TMEM131L: variants seen among roughly 807,000 people sequenced by gnomAD.
The protein encoded by TMEM131L is transmembrane protein 131-like.
TMEM131L carries 54 observed loss-of-function variants against 192.2 expected under a neutral mutation model. The ratio of observed to expected loss-of-function variants is 0.28; its 90% CI spans 0.23 to 0.35. The LOEUF (loss-of-function observed/expected upper bound fraction) is 0.35. TMEM131L is among the 10% of genes least tolerant of loss of function. TMEM131L has a pLI of 1.00. For synonymous variants in TMEM131L, 701 were observed against 704.9 expected, an observed-to-expected ratio of 0.99 and a Z score of 0.09; for missense variants, 1,888 against 1,972.9, an observed-to-expected ratio of 0.96 and a Z score of 0.82.
intron 3 of TMEM131L, among the ~76,000 whole-genome samples, chr4:153,545,444 T>C (rs1737104607): frequency 6.6e-6 from 1 of 151,970 alleles, no homozygotes. Context: ...CCCGCCACCA[T>C]GCCTGACTAA....
At chr4:153,558,784 T>A (rs1482779118) in intron 7 of TMEM131L, 1 of 153,546 alleles carries the variant, frequency 6.5e-6, no homozygotes, top group Non-Finnish European at 1.5e-5. Flanking sequence ...GCAGCCCCCA[T>A]GGTCACAAGT....
chr4:153,515,454 G>A (rs1444515523), intron 3 of TMEM131L, among the ~76,000 whole-genome samples: 1 of 152,186 alleles, frequency 6.6e-6, no homozygotes, highest in Non-Finnish European at 1.5e-5. Context: ...ATATTCCATT[G>A]TATAGATAGA....
chr4:153,544,926 C>G (rs1206632959), intron 3 of TMEM131L, among the ~76,000 whole-genome samples: 1 of 152,184 alleles, frequency 6.6e-6, no homozygotes, highest in African/African-American at 2.4e-5. Flanking sequence ...TCAGCAGTCT[C>G]TGGCCCTGCC....
Position 153,466,388 on chromosome 4 carries a change from G to A in TMEM131L, c.-10G>A, listed in dbSNP as rs1167569438. ...CGCGGCGAGCAACGGAGAGGAGCGC[G>A]AGCAGCAGCATGGCGGGGCTCCGAC... On this transcript the variant is annotated 5_prime_UTR_variant, in exon 1 of 35. Coordinates refer to ENST00000409959, the MANE Select transcript of TMEM131L (RefSeq NM_001131007.2). 11 of 1,309,236 alleles carry A rather than the reference G, an allele frequency of 8.4e-6. No homozygotes were observed. The highest frequency in any genetic ancestry group is 8.8e-6 in the Non-Finnish European group (9 of 1,025,562). 81.1% of individuals were successfully genotyped at this position (1,309,236 alleles called of 1,614,324 possible).
chr4:153,526,284 G>T (rs1718915854), intron 3 of TMEM131L, among the ~76,000 whole-genome samples: 1 of 152,132 alleles, frequency 6.6e-6, no homozygotes. Context: ...TCATCCACAG[G>T]CCTCTCTTCT....
intron 2 of TMEM131L, among the ~76,000 whole-genome samples, chr4:153,471,816 A>G (rs942050684): frequency 2.6e-5 from 4 of 152,206 alleles, no homozygotes; most frequent in African/African-American, 7.2e-5. Context: ...GGGCGGGCCC[A>G]GTTAGGTCTC....
At chr4:153,563,604 A>G (rs906904356) in intron 7 of TMEM131L, among the ~76,000 whole-genome samples, 60 of 151,624 alleles carry the variant, frequency 4.0e-4, no homozygotes, top group Admixed American at 1.9e-3. Context: ...AGTAGGTGAG[A>G]TCACAGGTGC....
At chr4:153,470,577 T>C (rs2149714347) in intron 2 of TMEM131L, among the ~76,000 whole-genome samples, 1 of 152,262 alleles carries the variant, frequency 6.6e-6, no homozygotes, top group East Asian at 1.9e-4. Context: ...AATTTTCCTC[T>C]GCTCTGACTG....
intron 7 of TMEM131L, among the ~76,000 whole-genome samples, chr4:153,580,082 A>G (rs1730229931): frequency 1.3e-5 from 2 of 152,128 alleles, no homozygotes; most frequent in Admixed American, 6.5e-5. Context: ...CTCATAGCCC[A>G]TGTCTTTTAG....
Position 153,603,424 on chromosome 4 carries a change from A to G in TMEM131L, c.2761A>G (p.Met921Val), listed in dbSNP as rs149187355. Reference protein sequence around the residue: ...SSSSQQNNGPMDVISPHSYKS... With the variant: ...SSSSQQNNGPVDVISPHSYKS... ...CTCTTCACAGCAAAACAATGGTCCT[A>G]TGGATGTAATCAGCCCCCATTCTTA... The change falls in exon 24 of 35, where the codon ATG (methionine) becomes GTG (valine). Residue 921 changes from methionine to valine, a missense_variant. Transcript: ENST00000409959. 5 of 1,614,060 alleles carry G rather than the reference A, an allele frequency of 3.1e-6. No homozygotes were observed. The highest frequency in any genetic ancestry group is 4.5e-5 in the East Asian group (2 of 44,868).
intron 19 of TMEM131L, among the ~76,000 whole-genome samples, chr4:153,595,449 T>A (rs1341511777): frequency 1.4e-5 from 2 of 138,940 alleles, no homozygotes; most frequent in Admixed American, 1.4e-4. Flanking sequence ...CTAATAAAAA[T>A]GAATCAAATA....
chr4:153,613,996 G>A (rs1194580961), intron 26 of TMEM131L, among the ~76,000 whole-genome samples: 1 of 152,206 alleles, frequency 6.6e-6, no homozygotes. Flanking sequence ...AAGATTCATA[G>A]TAGAGGGGAC....
chr4:153,470,792 C>T (rs951916348), intron 2 of TMEM131L, among the ~76,000 whole-genome samples: 3 of 152,210 alleles, frequency 2.0e-5, no homozygotes, highest in African/African-American at 7.2e-5. Flanking sequence ...CAGGGCCTTC[C>T]GTGTCAGTCC....
At chr4:153,606,440 T>G (rs577697779) in intron 25 of TMEM131L, among the ~76,000 whole-genome samples, 3 of 152,182 alleles carry the variant, frequency 2.0e-5, no homozygotes, top group Admixed American at 6.5e-5. Context: ...CTTAATACTT[T>G]AAAGCAGTTG....
At chr4:153,566,787 C>G (rs979520066) in intron 7 of TMEM131L, among the ~76,000 whole-genome samples, 1 of 152,152 alleles carries the variant, frequency 6.6e-6, no homozygotes, top group Non-Finnish European at 1.5e-5. Context: ...GATTTTCTCC[C>G]CTGCCATGGC....
At chr4:153,486,954 G>A (rs756787366) in intron 3 of TMEM131L, among the ~76,000 whole-genome samples, 57 of 152,180 alleles carry the variant, frequency 3.7e-4, no homozygotes, top group Admixed American at 2.6e-4. Context: ...AGAAATGAGC[G>A]GTCTAGGGCA....
At chr4:153,589,765 T>C (rs1475788233) in intron 16 of TMEM131L, among the ~76,000 whole-genome samples, 1 of 152,226 alleles carries the variant, frequency 6.6e-6, no homozygotes, top group African/African-American at 2.4e-5. Context: ...TTGAGGGTAG[T>C]GCAGTGAATT....
At chr4:153,499,714 C>T (rs955067169) in intron 3 of TMEM131L, among the ~76,000 whole-genome samples, 1 of 152,118 alleles carries the variant, frequency 6.6e-6, no homozygotes, top group Admixed American at 6.5e-5. Flanking sequence ...CGTGAACCGC[C>T]GTGCCCAGCC....
chr4:153,505,714 G>T (rs1733940747), intron 3 of TMEM131L, among the ~76,000 whole-genome samples: 1 of 152,118 alleles, frequency 6.6e-6, no homozygotes, highest in African/African-American at 2.4e-5. Context: ...TTATTTCCCA[G>T]CTAAAATATC....
Sources: gnomAD v4.1 joint callset for allele counts (sites outside exome capture counted in the v4.1 genomes callset) on GRCh38, gnomAD v4.1.1 for gene constraint, MANE v1.5 for transcripts, NCBI Gene and HGNC (gene_info 2026-07-23, HGNC 2026-07-21) for gene names.